Variants in PLXDC2 observed in about 807,000 individuals in gnomAD.
PLXDC2 encodes plexin domain containing 2, also known as plexin domain-containing protein 2.
Under a neutral mutation model 68.9 loss-of-function variants are expected in PLXDC2, and 40 were observed. That is an observed-to-expected ratio of 0.58 (90% CI 0.45 to 0.76). PLXDC2 has a LOEUF of 0.76. PLXDC2 is among the 30% of genes least tolerant of loss of function. PLXDC2 has a pLI of 0.00. For synonymous variants in PLXDC2, 243 were observed against 234.2 expected (o/e 1.04, Z -0.34); for missense variants, 644 against 661.9 (o/e 0.97, Z 0.30).
intron 1 of PLXDC2, among the ~76,000 whole-genome samples, chr10:19,853,652 T>TC (rs1249192262): frequency 7.7e-6 from 1 of 129,114 alleles, no homozygotes; most frequent in African/African-American, 2.5e-5. Flanking sequence ...CTGCTTTGGG[T>TC]GGGGGGGGGG....
At chr10:20,195,709 C>G (rs1834828169) in intron 9 of PLXDC2, among the ~76,000 whole-genome samples, 1 of 152,048 alleles carries the variant, frequency 6.6e-6, no homozygotes, top group Non-Finnish European at 1.5e-5. Context: ...CTTGATGAGG[C>G]AATTGCCTCA....
intron 1 of PLXDC2, among the ~76,000 whole-genome samples, chr10:19,833,714 G>C (rs1836738247): frequency 6.6e-6 from 1 of 152,098 alleles, no homozygotes; most frequent in African/African-American, 2.4e-5. Flanking sequence ...CAATTCCCTT[G>C]GATGATAAGT....
intron 1 of PLXDC2, among the ~76,000 whole-genome samples, chr10:19,864,838 T>C (rs1837384264): frequency 6.6e-6 from 1 of 152,116 alleles, no homozygotes; most frequent in Admixed American, 6.6e-5. Context: ...GGGCTGTAGT[T>C]GGAATTGAGA....
chr10:19,841,998 A>C (rs1836918862), intron 1 of PLXDC2, among the ~76,000 whole-genome samples: 1 of 152,178 alleles, frequency 6.6e-6, no homozygotes, highest in African/African-American at 2.4e-5. Context: ...ACTTGAGGCC[A>C]GGCACAGTGG....
At chr10:19,907,048 G>T (rs1400188956) in intron 1 of PLXDC2, among the ~76,000 whole-genome samples, 5 of 152,146 alleles carry the variant, frequency 3.3e-5, no homozygotes, top group Admixed American at 6.5e-5. Flanking sequence ...AAGTTGGTCA[G>T]CTTCAAAGAG....
chr10:19,861,127 C>T lies in PLXDC2; in HGVS notation c.112+43936C>T, dbSNP rs201677869. ...TCGGCTCACTGCAACCTCTGCCTCC[C>T]GGGTTCAAGTGATTCTCCTGCCTCA... On this transcript the variant is annotated intron_variant, in intron 1 of 13. Transcript: ENST00000377252. 1.1e-4 allele frequency among the ~76,000 whole-genome samples: 17 copies of T among 151,772 alleles called. No homozygotes were observed. The East Asian group carries it at 1.9e-3, about 17-fold the overall frequency.
chr10:20,045,957 G>A (rs932301825), intron 2 of PLXDC2, among the ~76,000 whole-genome samples: 1 of 151,936 alleles, frequency 6.6e-6, no homozygotes, highest in Non-Finnish European at 1.5e-5. Context: ...CTCACTGAGT[G>A]GGAACCATGA....
At chr10:20,012,362 G>C (rs1404327113) in intron 2 of PLXDC2, among the ~76,000 whole-genome samples, 1 of 125,418 alleles carries the variant, frequency 8.0e-6, no homozygotes, top group Non-Finnish European at 1.6e-5. Context: ...GTGTTTCCCA[G>C]GCTGGAGTGC....
chr10:20,042,142 A>T (rs1291797148), intron 2 of PLXDC2, among the ~76,000 whole-genome samples: 1 of 152,040 alleles, frequency 6.6e-6, no homozygotes, highest in Non-Finnish European at 1.5e-5. Context: ...TAATTTAGTC[A>T]TGCTTATTCT....
At chr10:19,899,344 A>C (rs1028904334) in intron 1 of PLXDC2, among the ~76,000 whole-genome samples, 4 of 152,294 alleles carry the variant, frequency 2.6e-5, no homozygotes, top group Admixed American at 2.0e-4. Context: ...TTCTTTCCCA[A>C]CCAGGTAGTT....
At chr10:20,149,242 T>C (rs1366183010) in intron 6 of PLXDC2, among the ~76,000 whole-genome samples, 90 of 127,480 alleles carry the variant, frequency 7.1e-4, no homozygotes, top group African/African-American at 2.6e-3. Flanking sequence ...TTTTTTTTTT[T>C]TTTTTTTTTT....
chr10:20,113,898 G>A (rs1833589962), intron 4 of PLXDC2, among the ~76,000 whole-genome samples: 1 of 152,096 alleles, frequency 6.6e-6, no homozygotes, highest in Admixed American at 6.5e-5. Flanking sequence ...GGCTGAGGTG[G>A]GTGGATCACT....
rs114958918 is a variant in PLXDC2 at position 19,893,455 on chromosome 10, A to G, written c.112+76264A>G. Among the ~76,000 whole-genome samples the G allele has an allele frequency of 3.1e-3, 476 of 152,334 alleles. 1 individual carries two copies. The highest frequency in any genetic ancestry group is 0.01 in the African/African-American group (430 of 41,578). ...CTGTGTGTGCATTTTTGTAATGGTC[A>G]TTCTCAGTCGTAAATGTCTTTAGAA... On this transcript the variant is annotated intron_variant, in intron 1 of 13. Coordinates refer to ENST00000377252, the MANE Select transcript of PLXDC2 (RefSeq NM_032812.9).
intron 12 of PLXDC2, among the ~76,000 whole-genome samples, chr10:20,239,674 C>A (rs996445262): frequency 1.3e-5 from 2 of 152,120 alleles, no homozygotes; most frequent in Non-Finnish European, 2.9e-5. Context: ...GACACAGAGC[C>A]AAACCATATC....
chr10:19,876,219 T>A (rs1296423566), intron 1 of PLXDC2, among the ~76,000 whole-genome samples: 1 of 152,152 alleles, frequency 6.6e-6, no homozygotes, highest in Non-Finnish European at 1.5e-5. Flanking sequence ...TCGTTTCTAT[T>A]GTGGTAAAAT....
intron 2 of PLXDC2, among the ~76,000 whole-genome samples, chr10:20,044,016 A>T (rs1835731182): frequency 6.6e-6 from 1 of 152,002 alleles, no homozygotes; most frequent in African/African-American, 2.4e-5. Context: ...ATAGAAAAAG[A>T]TTCAAGGTTT....
chr10:20,053,410 G>C (rs574900102), intron 3 of PLXDC2, among the ~76,000 whole-genome samples: 1 of 152,080 alleles, frequency 6.6e-6, no homozygotes, highest in Non-Finnish European at 1.5e-5. Flanking sequence ...GGTAAGCAAC[G>C]AGGCAGGCAC....
intron 2 of PLXDC2, among the ~76,000 whole-genome samples, chr10:20,004,500 C>T (rs1834993823): frequency 6.6e-6 from 1 of 152,074 alleles, no homozygotes; most frequent in Admixed American, 6.6e-5. Context: ...GAAGCAGAGG[C>T]GTTTACTCTC....
chr10:20,272,356 G>A (rs967521374), intron 13 of PLXDC2, among the ~76,000 whole-genome samples: 1 of 151,996 alleles, frequency 6.6e-6, no homozygotes. Context: ...TAGACCAGGA[G>A]GACAGAGTTT....
Sources: allele counts gnomAD v4.1 joint callset (sites outside exome capture counted in the v4.1 genomes callset), GRCh38; gene constraint gnomAD v4.1.1; transcripts MANE v1.5; gene names NCBI Gene and HGNC (gene_info 2026-07-23, HGNC 2026-07-21).